The following NFATC2 variants were observed in gnomAD, a reference collection of about 807,000 sequenced individuals.
NFATC2 encodes nuclear factor of activated T-cells, cytoplasmic 2.
In NFATC2, 22 loss-of-function variants were observed where a neutral mutation model predicts 87.3. That is an observed-to-expected ratio of 0.25 (90% CI 0.18 to 0.36). NFATC2 has a LOEUF of 0.36. NFATC2 is among the 10% of genes least tolerant of loss of function. The pLI, the probability that NFATC2 is intolerant of heterozygous loss-of-function variation, is 1.00. For synonymous variants in NFATC2, 565 were observed against 542.2 expected (o/e 1.04, Z -0.58); for missense variants, 1,149 against 1,259.1 (o/e 0.91, Z 1.32).
intron 5 of NFATC2, among the ~76,000 whole-genome samples, chr20:51,472,402 C>T (rs1568660526): frequency 1.3e-5 from 2 of 152,072 alleles, no homozygotes; most frequent in South Asian, 4.1e-4. Context: ...GCCACCCAAC[C>T]TACCCCATTC....
intron 10 of NFATC2, among the ~76,000 whole-genome samples, chr20:51,396,176 T>TACTGGATTTCTAAAAGCTAAAA (rs1987108041): frequency 6.6e-6 from 1 of 150,760 alleles, no homozygotes; most frequent in African/African-American, 2.4e-5. Flanking sequence ...CAGTGCCTCT[T>TACTGGATTTCTAAAAGCTAAAA]ACTGGATTTC....
intron 10 of NFATC2, among the ~76,000 whole-genome samples, chr20:51,393,208 G>A (rs545617307): frequency 1.6e-4 from 25 of 152,282 alleles, no homozygotes; most frequent in Admixed American, 2.6e-4. Flanking sequence ...TGGAGCCAGC[G>A]GGGTTAGATT....
intron 2 of NFATC2, among the ~76,000 whole-genome samples, chr20:51,520,436 CTT>C (rs35265197): frequency 2.2e-4 from 30 of 139,478 alleles, no homozygotes; most frequent in African/African-American, 3.5e-4. Context: ...TCAGGATTTT[CTT>C]TTTTTTTTTT....
chr20:51,540,647 G>GTGT (rs1555818251), intron 1 of NFATC2, among the ~76,000 whole-genome samples: 4 of 112,980 alleles, frequency 3.5e-5, no homozygotes, highest in South Asian at 2.6e-4. Context: ...AAAAACTGAA[G>GTGT]TTTTTTTTTT....
At chr20:51,477,286 T>C (rs1251487644) in intron 3 of NFATC2, among the ~76,000 whole-genome samples, 1 of 151,792 alleles carries the variant, frequency 6.6e-6, no homozygotes, top group East Asian at 1.9e-4. Flanking sequence ...TACAGCATGA[T>C]ACAACTTAAA....
chr20:51,435,136 T>C (rs1175526071), intron 8 of NFATC2, 52 bp downstream of exon 8: 11 of 1,605,360 alleles, frequency 6.9e-6, no homozygotes, highest in African/African-American at 2.7e-5. Flanking sequence ...TCCTGAGCCC[T>C]GTGCCTGTAC....
chr20:51,507,249 C>G (rs1042882097), intron 3 of NFATC2, among the ~76,000 whole-genome samples: 3 of 152,212 alleles, frequency 2.0e-5, no homozygotes, highest in African/African-American at 7.2e-5. Context: ...CCTCTCACCC[C>G]TCGTCGAACA....
chr20:51,395,599 CTCACAGAGGTGCCCTAAAAGACTGAT>C lies in NFATC2; in HGVS notation c.*44+3018_*44+3043del, dbSNP rs1199106929. On this transcript the variant is annotated intron_variant, in intron 10 of 10. Transcript: ENST00000371564. ...CCCTAAAAGACTGATGGAGAATGATCTCACAGAGGTGCCCTAAAAGACTGATGGAGAATGATCTCAGGGTGACTACT... is the reference window on the plus strand; with the variant it reads ...CCCTAAAAGACTGATGGAGAATGATCGGAGAATGATCTCAGGGTGACTACT... Among the ~76,000 whole-genome samples the C allele has an allele frequency of 1.6e-4, 7 of 42,948 alleles. No homozygotes were observed. In the East Asian group the frequency reaches 4.1e-3, roughly 25 times the overall value. 28.2% of individuals were successfully genotyped at this position (42,948 alleles called of 152,430 possible).
intron 9 of NFATC2, among the ~76,000 whole-genome samples, chr20:51,419,769 G>A (rs6021192): frequency 1.9e-4 from 29 of 152,046 alleles, no homozygotes; most frequent in East Asian, 1.2e-3. Context: ...GCTGGCATTC[G>A]AGAGGGATTT....
At chr20:51,394,852 G>A (rs1021160010) in intron 10 of NFATC2, among the ~76,000 whole-genome samples, 2 of 150,690 alleles carry the variant, frequency 1.3e-5, no homozygotes, top group African/African-American at 5.0e-5. Context: ...ATGGGGCCAC[G>A]TGCAGTGTTC....
chr20:51,444,121 A>T (rs1457561100), intron 6 of NFATC2, among the ~76,000 whole-genome samples: 1 of 152,050 alleles, frequency 6.6e-6, no homozygotes, highest in Non-Finnish European at 1.5e-5. Context: ...AGCTGGGATT[A>T]CAGGCACATG....
At chr20:51,532,684 A>T (rs1234589532) in intron 1 of NFATC2, among the ~76,000 whole-genome samples, 1 of 152,208 alleles carries the variant, frequency 6.6e-6, no homozygotes, top group Non-Finnish European at 1.5e-5. Flanking sequence ...CTCAGCGCCA[A>T]CCCGCCAGCC....
In NFATC2 at chr20:51,519,895, G is replaced by A. The variant is rs560047316; in HGVS notation, c.1161-2940C>T. Among the ~76,000 whole-genome samples the A allele has an allele frequency of 5.4e-5, 8 of 149,100 alleles. No homozygotes were observed. In the South Asian group the frequency reaches 6.4e-4, roughly 12 times the overall value. On this transcript the variant is annotated intron_variant, in intron 2 of 10. Coordinates refer to ENST00000371564, the MANE Select transcript of NFATC2 (RefSeq NM_012340.5). ...CGCACCACTGTATTCTAGCCTGGGT[G>A]ACAGAGCGAGACTCCATCTAAAAAA...
In NFATC2 at chr20:51,455,459, A is replaced by G. The variant is rs556905096; in HGVS notation, c.1709-771T>C. ...TTAACCCACCCCATCCCCTCCCAAG[A>G]GTTAAAACAGCAGTACCCAGCCCGG... On this transcript the variant is annotated intron_variant, in intron 5 of 10. Transcript: ENST00000371564. Among the ~76,000 whole-genome samples, 6 of 151,872 alleles carry G rather than the reference A, an allele frequency of 4.0e-5. No individual in the cohort carries two copies. The East Asian group carries it at 9.8e-4, about 25-fold the overall frequency.
intron 3 of NFATC2, among the ~76,000 whole-genome samples, chr20:51,493,252 T>C (rs1026810162): frequency 1.3e-5 from 2 of 152,186 alleles, no homozygotes; most frequent in African/African-American, 4.8e-5. Context: ...GTACATTTCA[T>C]AGAGTTGCCA....
At chr20:51,551,473 G>T (rs2076932012) in intron 1 of NFATC2, among the ~76,000 whole-genome samples, 1 of 151,908 alleles carries the variant, frequency 6.6e-6, no homozygotes, top group Admixed American at 6.6e-5. Flanking sequence ...GCGAGAGCAT[G>T]GCTCACTGCA....
chr20:51,547,629 A>C (rs1031103229), upstream of NFATC2, among the ~76,000 whole-genome samples: 7 of 152,156 alleles, frequency 4.6e-5, no homozygotes, highest in African/African-American at 1.7e-4. Flanking sequence ...GGAGCATCTA[A>C]CAGGCACCTC....
chr20:51,540,659 T>TTTTTTTTTTTTTTTTTTTTTTTTTTTTG (rs1600993612), intron 1 of NFATC2, among the ~76,000 whole-genome samples: 1 of 100,074 alleles, frequency 1.0e-5, no homozygotes, highest in African/African-American at 3.9e-5. Context: ...TTTTTTTTTG[T>TTTTTTTTTTTTTTTTTTTTTTTTTTTTG]TTTTTTTTTT....
At chr20:51,426,421 C>G (rs4332979) in intron 9 of NFATC2, among the ~76,000 whole-genome samples, 79,375 of 151,424 alleles carry the variant, frequency 0.52, 22,835 homozygotes, top group South Asian at 0.64. Flanking sequence ...GAGGTTGCAG[C>G]GAGCCAAGAT....
Sources: gnomAD v4.1 joint callset for allele counts (sites outside exome capture counted in the v4.1 genomes callset) on GRCh38, gnomAD v4.1.1 for gene constraint, MANE v1.5 for transcripts, NCBI Gene and HGNC (gene_info 2026-07-23, HGNC 2026-07-21) for gene names.